Variants in RFX3 observed in about 807,000 individuals in gnomAD.
RFX3 encodes the protein transcription factor RFX3.
RFX3 carries 14 observed loss-of-function variants against 98.6 expected under a neutral mutation model. The ratio of observed to expected loss-of-function variants is 0.14; its 90% CI spans 0.09 to 0.22. The LOEUF (loss-of-function observed/expected upper bound fraction) is 0.22, where lower values mean the gene tolerates loss of function less well. RFX3 is among the 10% of genes least tolerant of loss of function. RFX3 has a pLI of 1.00. For synonymous variants in RFX3, 383 were observed against 328.4 expected, an observed-to-expected ratio of 1.17 and a Z score of -1.80; for missense variants, 639 against 926.9, an observed-to-expected ratio of 0.69 and a Z score of 4.03.
intron 1 of RFX3, among the ~76,000 whole-genome samples, chr9:3,504,593 C>CTATATGGTATATATTGT (rs1816547397): frequency 1.4e-4 from 1 of 7,028 alleles, no homozygotes; most frequent in African/African-American, 9.1e-4. Context: ...GTATATATTG[C>CTATATGGTATATATTGT]ATATAAAATA....
chr9:3,343,810 T>C (rs763112129), intron 3 of RFX3, among the ~76,000 whole-genome samples: 3 of 152,196 alleles, frequency 2.0e-5, no homozygotes, highest in Non-Finnish European at 4.4e-5. Flanking sequence ...GAGTTGAGGA[T>C]ACAATTTGAG....
intron 1 of RFX3, among the ~76,000 whole-genome samples, chr9:3,429,025 C>CTTT (rs5896011): frequency 2.2e-5 from 3 of 139,092 alleles, no homozygotes; most frequent in African/African-American, 5.4e-5. Context: ...TTTAGTTACT[C>CTTT]TTTTTTTTTT....
chr9:3,467,171 A>ATGTATATACATATATATAAGTATAT, intron 1 of RFX3, among the ~76,000 whole-genome samples: 1 of 123,246 alleles, frequency 8.1e-6, no homozygotes, highest in South Asian at 2.4e-4. Context: ...ATACGTATAT[A>ATGTATATACATATATATAAGTATAT]ATGTATATAT....
At chr9:3,291,882 C>T (rs1239706769) in intron 6 of RFX3, among the ~76,000 whole-genome samples, 1 of 151,458 alleles carries the variant, frequency 6.6e-6, no homozygotes, top group Non-Finnish European at 1.5e-5. Flanking sequence ...CATGGTGAAA[C>T]CCCATCTCTA....
At chr9:3,378,396 G>C (rs1183468351) in intron 2 of RFX3, among the ~76,000 whole-genome samples, 2 of 152,048 alleles carry the variant, frequency 1.3e-5, no homozygotes, top group Admixed American at 6.6e-5. Flanking sequence ...GCTGAAAATG[G>C]AAAGTGTAAC....
At chr9:3,370,042 C>A (rs1211286859) in intron 2 of RFX3, among the ~76,000 whole-genome samples, 2 of 148,014 alleles carry the variant, frequency 1.4e-5, no homozygotes, top group Admixed American at 1.3e-4. Context: ...GGGGTTTCCC[C>A]GTGTTAGCCA....
chr9:3,248,604 G>A (rs1010192422), intron 14 of RFX3, among the ~76,000 whole-genome samples: 36 of 152,144 alleles, frequency 2.4e-4, no homozygotes, highest in Non-Finnish European at 3.4e-4. Flanking sequence ...ACGATCTCTG[G>A]GGTAGGCCTT....
chr9:3,475,664 G>A (rs1399324848), intron 1 of RFX3, among the ~76,000 whole-genome samples: 1 of 152,174 alleles, frequency 6.6e-6, no homozygotes, highest in Non-Finnish European at 1.5e-5. Context: ...CACTAATTTT[G>A]CTACTGCTGC....
rs189707278 is a variant in RFX3, at chr9:3,428,711, A to G, written c.-8-33115T>C. ...TAAAGGTCTTTCTAGCTATATTTAA[A>G]GACTGTGGAAACCTATCTGTCCCCA... On this transcript the variant is annotated intron_variant, in intron 1 of 16. Coordinates refer to ENST00000617270, the MANE Select transcript of RFX3 (RefSeq NM_001282116.2). Among the ~76,000 whole-genome samples, 221 of 152,342 alleles carry G rather than the reference A, an allele frequency of 1.5e-3. 1 individual carries two copies. The highest frequency in any genetic ancestry group is 5.2e-3 in the African/African-American group (215 of 41,578).
chr9:3,466,749 T>C (rs1587767013), intron 1 of RFX3, among the ~76,000 whole-genome samples: 1 of 152,158 alleles, frequency 6.6e-6, no homozygotes, highest in East Asian at 1.9e-4. Context: ...GTCTATTTTA[T>C]TGGAGAAATC....
Position 3,330,246 on chromosome 9 carries a change from T to C in RFX3, c.474+13A>G, listed in dbSNP as rs1832431951. On this transcript the variant is annotated intron_variant, in intron 4 of 16. Transcript: ENST00000617270. ...AAAAGCTAAACTAAACTACTAAAAA[T>C]TCAAATACTTACTGTCGCTGGGGAG... is the stretch of plus-strand genomic sequence containing the variant. The C allele has an allele frequency of 6.2e-7, 1 of 1,613,702 alleles. No homozygotes were observed. The highest frequency in any genetic ancestry group is 8.5e-7 in the Non-Finnish European group (1 of 1,179,778).
chr9:3,284,445 T>C (rs1434715295), intron 7 of RFX3, among the ~76,000 whole-genome samples: 2 of 151,844 alleles, frequency 1.3e-5, no homozygotes, highest in East Asian at 3.9e-4. Context: ...GCAAAAAAAT[T>C]ATTTTCATAT....
chr9:3,476,757 T>C (rs1313537041), intron 1 of RFX3, among the ~76,000 whole-genome samples: 1 of 152,174 alleles, frequency 6.6e-6, no homozygotes, highest in East Asian at 1.9e-4. Context: ...AAAAACGCAT[T>C]TATTGGAATT....
chr9:3,429,140 A>G (rs1844402669), intron 1 of RFX3, among the ~76,000 whole-genome samples: 1 of 149,378 alleles, frequency 6.7e-6, no homozygotes. Context: ...CTCCTGCCTC[A>G]GCCTCCCAAG....
rs575510741 is a variant in RFX3 at position 3,313,388 on chromosome 9, G to A, written c.475-11768C>T. On this transcript the variant is annotated intron_variant, in intron 4 of 16. Transcript: ENST00000617270. ...TAAGTCACCATCAACAAAGACCAAA[G>A]GTAGATAAAACCACAAAGATGGGGA... Among the ~76,000 whole-genome samples the A allele has an allele frequency of 1.2e-3, 180 of 152,186 alleles. 1 individual carries two copies. The highest frequency in any genetic ancestry group is 2.1e-4 in the Non-Finnish European group (14 of 67,992).
intron 4 of RFX3, among the ~76,000 whole-genome samples, chr9:3,308,439 T>C (rs967805691): frequency 3.9e-5 from 6 of 152,172 alleles, no homozygotes; most frequent in Non-Finnish European, 8.8e-5. Flanking sequence ...GGCTGGTCTC[T>C]GGGGCAGAAA....
rs1017892841 is a variant in RFX3 at position 3,224,177 on chromosome 9, A to G, written c.*865T>C. On this transcript the variant is annotated 3_prime_UTR_variant, in exon 17 of 17. Transcript: ENST00000617270. Reference sequence around the variant, plus strand: ...TAAGTAGCATGTACACTTAAAAAAAAAAAGTCAAGTCTTTTTTTTCTGCTT... The same window carrying G: ...TAAGTAGCATGTACACTTAAAAAAAGAAAGTCAAGTCTTTTTTTTCTGCTT... The G allele has an allele frequency of 6.6e-6, 1 of 152,182 alleles. No individual in the cohort carries two copies. Among genetic ancestry groups the G allele is most frequent in the African/African-American group, 2.4e-5 (1 of 41,448 alleles). The allele number at this position is 152,182 out of a possible 1,614,324, so 9.4% of individuals were successfully genotyped here.
At chr9:3,364,782 G>C (rs909158319) in intron 2 of RFX3, 1 of 152,412 alleles carries the variant, frequency 6.6e-6, no homozygotes, top group Non-Finnish European at 1.5e-5. Context: ...TTCTATTGAA[G>C]AATAATTTCA....
At chr9:3,332,020 C>T (rs1832658910) in intron 3 of RFX3, among the ~76,000 whole-genome samples, 1 of 152,166 alleles carries the variant, frequency 6.6e-6, no homozygotes, top group Non-Finnish European at 1.5e-5. Context: ...GGCAGCACCA[C>T]CATCCTCAGC....
Sources: allele counts gnomAD v4.1 joint callset (sites outside exome capture counted in the v4.1 genomes callset), GRCh38; gene constraint gnomAD v4.1.1; transcripts MANE v1.5; gene names NCBI Gene and HGNC (gene_info 2026-07-23, HGNC 2026-07-21).